The following UBR4 variants were observed in gnomAD, a reference collection of about 807,000 sequenced individuals.
UBR4 encodes the protein ubiquitin protein ligase E3 component n-recognin 4, also known as E3 ubiquitin-protein ligase UBR4.
UBR4 carries 124 observed loss-of-function variants against 575.6 expected under a neutral mutation model. The ratio of observed to expected loss-of-function variants is 0.22; its 90% CI spans 0.19 to 0.25. UBR4 has a LOEUF of 0.25. Among genes scored for constraint, UBR4 ranks in the 10% least tolerant of loss-of-function variants. The probability of loss-of-function intolerance (pLI) is 1.00; values close to 1 mark genes in which losing one functional copy is unlikely to be tolerated. For synonymous variants in UBR4, 2,455 were observed against 2,473.7 expected (o/e 0.99, Z 0.22); for missense variants, 4,818 against 6,478.8 (o/e 0.74, Z 8.80).
Position 19,159,840 on chromosome 1 carries a change from A to C in UBR4, c.5577+271T>G, listed in dbSNP as rs76180834. 2.6e-5 allele frequency among the ~76,000 whole-genome samples: 4 copies of C among 151,696 alleles called. No individual in the cohort carries two copies. In the East Asian group the frequency reaches 7.9e-4, roughly 30 times the overall value. ...GGCTGGTCTTAAATTCCCAGGCTCA[A>C]GCAATCCACCTGCTTCAGGCATCCC... On this transcript the variant is annotated intron_variant, in intron 39 of 105. Coordinates refer to ENST00000375254, the MANE Select transcript of UBR4 (RefSeq NM_020765.3).
chr1:19,196,216 T>A (rs2092448423), intron 8 of UBR4, among the ~76,000 whole-genome samples: 1 of 152,206 alleles, frequency 6.6e-6, no homozygotes, highest in Admixed American at 6.5e-5. Flanking sequence ...TCATTCAGTT[T>A]CTTCACTTAT....
chr1:19,107,175 G>T (rs79812602), intron 81 of UBR4, among the ~76,000 whole-genome samples: 4,581 of 152,240 alleles, frequency 0.03, 120 homozygotes, highest in Middle Eastern at 0.058. Context: ...TGAGCTTAAG[G>T]TCACTCATTT....
intron 42 of UBR4, 135 bp from the exon 43 acceptor site, chr1:19,155,803 A>C (rs112425916): frequency 1.9e-5 from 14 of 718,826 alleles, no homozygotes; most frequent in African/African-American, 5.3e-5. Flanking sequence ...ATGGAGTGTT[A>C]GGCACTGGTC....
chr1:19,103,323 G>C (rs768042973), intron 87 of UBR4, among the ~76,000 whole-genome samples: 1 of 152,170 alleles, frequency 6.6e-6, no homozygotes, highest in Admixed American at 6.5e-5. Context: ...CCAGCACTTT[G>C]GGAGGCCGAG....
intron 90 of UBR4, 124 bp from the exon 91 acceptor site, chr1:19,097,404 A>C: frequency 3.0e-6 from 2 of 661,732 alleles, no homozygotes; most frequent in Non-Finnish European, 4.9e-6. Flanking sequence ...ACAAAGTCTC[A>C]ACCACAACAT....
intron 97 of UBR4, among the ~76,000 whole-genome samples, chr1:19,090,436 C>G (rs908352175): frequency 6.6e-6 from 1 of 152,144 alleles, no homozygotes; most frequent in African/African-American, 2.4e-5. Context: ...GGATCTCCAT[C>G]GGCAGCTCTT....
intron 15 of UBR4, 136 bp downstream of exon 15, chr1:19,184,963 A>C: frequency 2.9e-6 from 3 of 1,036,566 alleles, no homozygotes; most frequent in Non-Finnish European, 4.3e-6. Context: ...TAATCAAGAC[A>C]TATAAGTCCT....
At chr1:19,185,535 C>A (rs938316237) in intron 14 of UBR4, among the ~76,000 whole-genome samples, 1 of 150,924 alleles carries the variant, frequency 6.6e-6, no homozygotes, top group Non-Finnish European at 1.5e-5. Flanking sequence ...CACATTATTG[C>A]ATGTAAATTA....
intron 41 of UBR4, 60 bp downstream of exon 41, chr1:19,156,707 G>A (rs1465219899): frequency 6.4e-7 from 1 of 1,567,038 alleles, no homozygotes; most frequent in East Asian, 2.3e-5. Context: ...TGAGAACAGG[G>A]GAGAGAAAAT....
At chr1:19,131,428 C>A (rs1436523939) in intron 60 of UBR4, among the ~76,000 whole-genome samples, 1 of 151,936 alleles carries the variant, frequency 6.6e-6, no homozygotes, top group African/African-American at 2.4e-5. Context: ...TTAACTTATT[C>A]ATGAAAAAAG....
chr1:19,130,983 C>T (rs1007304018), intron 60 of UBR4, among the ~76,000 whole-genome samples: 7 of 151,976 alleles, frequency 4.6e-5, no homozygotes, highest in East Asian at 1.9e-4. Flanking sequence ...ATCACAGCTC[C>T]GTGCAGTCTT....
chr1:19,194,989 G>A (rs1017762425), intron 8 of UBR4, among the ~76,000 whole-genome samples: 4 of 151,476 alleles, frequency 2.6e-5, no homozygotes, highest in Non-Finnish European at 5.9e-5. Context: ...GGCCAGGCAC[G>A]GTGGCTCACG....
intron 60 of UBR4, among the ~76,000 whole-genome samples, chr1:19,132,238 G>A (rs2082561492): frequency 6.6e-6 from 1 of 152,098 alleles, no homozygotes; most frequent in Admixed American, 6.5e-5. Context: ...CTGGAGTGCA[G>A]TGGCGTGATC....
chr1:19,075,752 G>C lies in UBR4; in HGVS notation c.15488-856C>G, dbSNP rs560622028. Among the ~76,000 whole-genome samples the C allele has an allele frequency of 7.5e-4, 114 of 152,354 alleles. 1 individual carries two copies. The highest frequency in any genetic ancestry group is 2.7e-3 in the African/African-American group (111 of 41,586). ...GGGAAGAAAGAGGAATTCACACTGA[G>C]CAACACTCTAGCCCTTTAGTGGGTC... On this transcript the variant is annotated intron_variant, in intron 105 of 105. Transcript: ENST00000375254.
At chr1:19,143,279 AAAGAAAGAAAG>A in intron 55 of UBR4, among the ~76,000 whole-genome samples, 1 of 83,686 alleles carries the variant, frequency 1.2e-5, no homozygotes, top group East Asian at 4.0e-4. Context: ...AGAAAGAAAG[AAAGAAAGAAAG>A]AAAGAAAGAA....
intron 104 of UBR4, 101 bp downstream of exon 104, chr1:19,077,875 C>A (rs771834565): frequency 1.9e-6 from 3 of 1,597,062 alleles, no homozygotes; most frequent in African/African-American, 1.3e-5. Flanking sequence ...CCAGGCCCAG[C>A]GGAGGAGCAG....
At position 19,162,412 on chromosome 1, in the gene UBR4, G is replaced by C. The variant is rs1322334616; in HGVS notation, c.4956+8C>G. 4 of 1,610,390 alleles carry C rather than the reference G, an allele frequency of 2.5e-6. No individual in the cohort carries two copies. The highest frequency in any genetic ancestry group is 2.5e-6 in the Non-Finnish European group (3 of 1,178,650). On this transcript the variant is annotated splice_region_variant and intron_variant, in intron 35 of 105. Transcript: ENST00000375254. ...GAGAGGTTAACTTCGAGGTTACTTA[G>C]TACTTACTGAATCCTCAGCCTGGGA...
chr1:19,161,568 G>A (rs1323170204), intron 37 of UBR4, 21 bp downstream of exon 37: 1 of 1,586,006 alleles, frequency 6.3e-7, no homozygotes, highest in Non-Finnish European at 8.6e-7. Context: ...ACCCTTTATA[G>A]CTCAGGGAGG....
intron 58 of UBR4, among the ~76,000 whole-genome samples, 177 bp downstream of exon 58, chr1:19,140,611 G>A (rs925700126): frequency 1.3e-5 from 2 of 152,228 alleles, no homozygotes; most frequent in African/African-American, 4.8e-5. Flanking sequence ...GGAGCTGTGC[G>A]CGGCGGGGCC....
Sources: gnomAD v4.1 joint callset for allele counts (sites outside exome capture counted in the v4.1 genomes callset) on GRCh38, gnomAD v4.1.1 for gene constraint, MANE v1.5 for transcripts, NCBI Gene and HGNC (gene_info 2026-07-23, HGNC 2026-07-21) for gene names.